Variants in COG8 observed in about 807,000 individuals in gnomAD.
The protein encoded by COG8 is component of oligomeric golgi complex 8, also known as conserved oligomeric Golgi complex subunit 8.
In COG8, 45 loss-of-function variants were observed where a neutral mutation model predicts 46.5. The observed-to-expected ratio is 0.97, with a 90% CI of 0.76 to 1.24. The LOEUF is 1.24. Ranked by LOEUF, COG8 falls within the 50% of genes most tolerant of loss-of-function variation. COG8 has a pLI of 0.00. For synonymous variants in COG8, 407 were observed against 347.8 expected, an observed-to-expected ratio of 1.17 and a Z score of -1.90; for missense variants, 793 against 820.8, an observed-to-expected ratio of 0.97 and a Z score of 0.41.
chr16:69,330,029 C>T (rs2011651904), intron 5 of COG8: 3 of 1,544,064 alleles, frequency 1.9e-6, no homozygotes, highest in African/African-American at 2.8e-5. Flanking sequence ...GCGGGGCACG[C>T]AGGCCAGGAA....
chr16:69,339,035 G>C, intron 1 of COG8, 141 bp downstream of exon 1: 1 of 1,159,214 alleles, frequency 8.6e-7, no homozygotes, highest in East Asian at 2.4e-5. Context: ...CTCGAAGGCT[G>C]TTGTGAGGTT....
chr16:69,331,791 G>A (rs1187604778), intron 4 of COG8, among the ~76,000 whole-genome samples: 4 of 152,060 alleles, frequency 2.6e-5, no homozygotes, highest in African/African-American at 7.2e-5. Flanking sequence ...ATGAGCCACT[G>A]CGCCCAGCCA....
intron 5 of COG8, chr16:69,330,222 C>T (rs1307838955): frequency 2.1e-6 from 3 of 1,452,570 alleles, no homozygotes; most frequent in African/African-American, 1.5e-5. Context: ...CGCGGCACCC[C>T]CAGCTGCGGC....
chr16:69,330,805 T>TCACG lies in COG8; in HGVS notation c.*26+4_*26+7dup. On this transcript the variant is annotated splice_region_variant and intron_variant, in intron 5 of 5. Coordinates refer to ENST00000306875, the MANE Select transcript of COG8 (RefSeq NM_032382.5). ...TCCTGGCCACCCCGCGCCGGGAACCTCACGCACCGCGTTCTGGAGGCAGGG... is the reference window on the plus strand; with the variant it reads ...TCCTGGCCACCCCGCGCCGGGAACCTCACGCACGCACCGCGTTCTGGAGGCAGGG... 2.0e-6 allele frequency: 3 copies of TCACG among 1,524,154 alleles called. No individual in the cohort carries two copies. The highest frequency in any genetic ancestry group is 2.6e-6 in the Non-Finnish European group (3 of 1,141,250). 94.4% of individuals were successfully genotyped at this position (1,524,154 alleles called of 1,614,324 possible). A position where few individuals can be genotyped will look rare whatever the true frequency, so the allele number is the denominator to read the frequency against.
rs1265955816 is a variant in COG8, at chr16:69,329,273, T to C, written c.*27-94A>G. Reference sequence around the variant, plus strand: ...CTGCCCCCGGTCCTGGCTGTTCCCATTGACAAGAGGCAACAGCAGATGGCA... The same window carrying C: ...CTGCCCCCGGTCCTGGCTGTTCCCACTGACAAGAGGCAACAGCAGATGGCA... On this transcript the variant is annotated intron_variant, in intron 5 of 5. Coordinates refer to ENST00000306875, the MANE Select transcript of COG8 (RefSeq NM_032382.5). The C allele has an allele frequency of 1.1e-5, 15 of 1,341,420 alleles. No individual in the cohort carries two copies. The East Asian group carries it at 1.1e-4, about 10-fold the overall frequency. 83.1% of individuals were successfully genotyped at this position (1,341,420 alleles called of 1,614,324 possible).
At chr16:69,332,171 T>G (rs1480772466) in intron 4 of COG8, among the ~76,000 whole-genome samples, 1 of 152,022 alleles carries the variant, frequency 6.6e-6, no homozygotes, top group African/African-American at 2.4e-5. Flanking sequence ...GCCAACATGG[T>G]GAAACCCCGT....
In COG8 at chr16:69,328,862, A is replaced by G. The variant is rs1441912339; in HGVS notation, c.*344T>C. ...GTCCGTAACTGATTTCAGGGCAAACATTTCTGACATCTTCCTCCAGCTCAG... is the reference window on the plus strand; with the variant it reads ...GTCCGTAACTGATTTCAGGGCAAACGTTTCTGACATCTTCCTCCAGCTCAG... On this transcript the variant is annotated 3_prime_UTR_variant, in exon 6 of 6. Transcript: ENST00000306875. 32 of 967,800 alleles carry G rather than the reference A, an allele frequency of 3.3e-5. No individual in the cohort carries two copies. In the East Asian group the frequency reaches 8.4e-4, roughly 25 times the overall value. The allele number at this position is 967,800 out of a possible 1,614,324, so 60.0% of individuals were successfully genotyped here.
chr16:69,339,145 TA>T (rs746776782), intron 1 of COG8, 30 bp downstream of exon 1: 1 of 1,612,836 alleles, frequency 6.2e-7, no homozygotes, highest in Non-Finnish European at 8.5e-7. Flanking sequence ...TTTACAGTTA[TA>T]AAACCCCTTT....
In COG8 at chr16:69,332,773, G is replaced by C. The variant is rs533170895; in HGVS notation, c.1523C>G (p.Pro508Arg). 14 of 1,614,038 alleles carry C rather than the reference G, an allele frequency of 8.7e-6. No individual in the cohort carries two copies. Among genetic ancestry groups the C allele is most frequent in the Admixed American group, 3.3e-5 (2 of 60,006 alleles). The change falls in exon 4 of 6, where the codon CCG becomes CGG. Residue 508 changes from proline to arginine, a missense_variant. By Grantham distance (103) the Pro-to-Arg change is moderately radical. Transcript: ENST00000306875. Reference protein sequence around the residue: ...FCTVFLEDLVPYLNRCLQVLF... With the variant: ...FCTVFLEDLVRYLNRCLQVLF... ...GACTTGGAGACAGCGATTTAAATAC[G>C]GAACAAGGTCTTCCAGGAAGACAGT...
chr16:69,329,480 G>A (rs1488870989), intron 5 of COG8, among the ~76,000 whole-genome samples: 1 of 152,198 alleles, frequency 6.6e-6, no homozygotes, highest in Non-Finnish European at 1.5e-5. Flanking sequence ...TGAGGTACCT[G>A]TGGGCTCCCA....
In COG8 at chr16:69,329,112, GTGCTGGATGA is replaced by G. The variant is rs1367582521; in HGVS notation, c.*84_*93del. 1 of 1,611,076 alleles carries G rather than the reference GTGCTGGATGA, an allele frequency of 6.2e-7. No homozygotes were observed. The highest frequency in any genetic ancestry group is 1.1e-5 in the South Asian group (1 of 90,736). ...GGCAGCCCTGCAGGTGGTCCATCTC[GTGCTGGATGA>G]TGCGGGCTGCCCACCCGCTCGCCTG... On this transcript the variant is annotated 3_prime_UTR_variant, in exon 6 of 6. Transcript: ENST00000306875.
rs548871378 is a variant in COG8 at position 69,334,862 on chromosome 16, G to A, written c.1072C>T (p.Arg358Trp). 12 of 1,614,036 alleles carry A rather than the reference G, an allele frequency of 7.4e-6. No individual in the cohort carries two copies. Among genetic ancestry groups the A allele is most frequent in the East Asian group, 2.2e-5 (1 of 44,888 alleles). Residue 358 changes from arginine to tryptophan, a missense_variant, in exon 3 of 6, where the codon CGG becomes TGG. Coordinates refer to ENST00000306875, the MANE Select transcript of COG8 (RefSeq NM_032382.5). ...TGACCCCGGAAATCAGCTCCCACCC[G>A]GCTGAAGGACAGCCCAAAGTACATG... ...QCMYFGLSFS[R>W]VGADFRGQLA...
chr16:69,339,367 C>A lies in COG8; in HGVS notation c.186G>T (p.Arg62=). 6.3e-7 allele frequency: 1 copy of A among 1,581,600 alleles called. No individual in the cohort carries two copies. Among genetic ancestry groups the A allele is most frequent in the Non-Finnish European group, 8.6e-7 (1 of 1,168,668 alleles). Residue 62 remains arginine, a synonymous_variant, in exon 1 of 6, where the codon CGG becomes CGT. Coordinates refer to ENST00000306875, the MANE Select transcript of COG8 (RefSeq NM_032382.5). ...CCTCCGCCAGGCGCTCGGGCTCGCG[C>A]CGCAGCCGCTCCAGCCCCGAGCCGC... ...ELSGSGLERL[R]REPERLAEER...
chr16:69,330,127 G>A (rs3852691), intron 5 of COG8: 104,368 of 1,578,974 alleles, frequency 0.066, 3,900 homozygotes, highest in African/African-American at 0.14. Context: ...CGCGCAGGGG[G>A]AAGGGCTCCA....
At position 69,334,515 on chromosome 16, in the gene COG8, G is replaced by T. The variant is rs373728891; in HGVS notation, c.1413+6C>A. 3 of 1,612,850 alleles carry T rather than the reference G, an allele frequency of 1.9e-6. No homozygotes were observed. Among genetic ancestry groups the T allele is most frequent in the African/African-American group, 1.3e-5 (1 of 74,902 alleles). Reference sequence around the variant, plus strand: ...GGGTAGCAGAAAACCAACAGAATGTGCTCACCTTGGCAAGGGCATCTTCCA... The same window carrying T: ...GGGTAGCAGAAAACCAACAGAATGTTCTCACCTTGGCAAGGGCATCTTCCA... On this transcript the variant is annotated splice_donor_region_variant and intron_variant, in intron 3 of 5. Transcript: ENST00000306875.
intron 5 of COG8, among the ~76,000 whole-genome samples, chr16:69,329,789 G>T (rs1464366391): frequency 6.6e-6 from 1 of 152,250 alleles, no homozygotes. Flanking sequence ...AGCGGAACTA[G>T]GGGACCTCTC....
In COG8 at chr16:69,330,792, C is replaced by G. The variant is rs950809983; in HGVS notation, c.*26+21G>C. On this transcript the variant is annotated intron_variant, in intron 5 of 5. Coordinates refer to ENST00000306875, the MANE Select transcript of COG8 (RefSeq NM_032382.5). ...CAGGGCGAGGCAGTCCTGGCCACCC[C>G]GCGCCGGGAACCTCACGCACCGCGT... 1.3e-5 allele frequency: 20 copies of G among 1,509,068 alleles called. No homozygotes were observed. In the Admixed American group the frequency reaches 2.5e-4, roughly 19 times the overall value. 93.5% of individuals were successfully genotyped at this position (1,509,068 alleles called of 1,614,324 possible). A position where few individuals can be genotyped will look rare whatever the true frequency, so the allele number is the denominator to read the frequency against.
intron 1 of COG8, 68 bp from the exon 2 acceptor site, chr16:69,336,780 G>A: frequency 7.5e-7 from 1 of 1,335,652 alleles, no homozygotes; most frequent in Non-Finnish European, 1.1e-6. Context: ...CAGTTACCAA[G>A]TACCTGCTAT....
In COG8 at chr16:69,328,983, G is replaced by A. The variant is rs375186698; in HGVS notation, c.*223C>T. 48 of 1,585,856 alleles carry A rather than the reference G, an allele frequency of 3.0e-5. No individual in the cohort carries two copies. In the African/African-American group the frequency reaches 4.2e-4, roughly 14 times the overall value. Reference sequence around the variant, plus strand: ...CCCAGCTCAAAGTGAAAGTGTTTGCGTCTTGGTATCCGGAATCCTCAGCCC... The same window carrying A: ...CCCAGCTCAAAGTGAAAGTGTTTGCATCTTGGTATCCGGAATCCTCAGCCC... On this transcript the variant is annotated 3_prime_UTR_variant, in exon 6 of 6. Transcript: ENST00000306875.
Sources: allele counts gnomAD v4.1 joint callset (sites outside exome capture counted in the v4.1 genomes callset), GRCh38; gene constraint gnomAD v4.1.1; transcripts MANE v1.5; gene names NCBI Gene and HGNC (gene_info 2026-07-23, HGNC 2026-07-21).